The following SYN3 variants were observed in gnomAD, a reference collection of about 807,000 sequenced individuals.
The protein encoded by SYN3 is synapsin III.
SYN3 carries 35 observed loss-of-function variants against 65.8 expected under a neutral mutation model. That is an observed-to-expected ratio of 0.53 (90% CI 0.41 to 0.70). The LOEUF is 0.70. Among genes scored for constraint, SYN3 ranks in the 30% least tolerant of loss-of-function variants. The pLI, the probability that SYN3 is intolerant of heterozygous loss-of-function variation, is 0.00. For synonymous variants in SYN3, 270 were observed against 292.9 expected (o/e 0.92, Z 0.80); for missense variants, 680 against 749.0 (o/e 0.91, Z 1.08).
At chr22:32,645,195 T>C (rs1483512596) in intron 6 of SYN3, among the ~76,000 whole-genome samples, 1 of 152,030 alleles carries the variant, frequency 6.6e-6, no homozygotes, top group African/African-American at 2.4e-5. Context: ...AGCCAGACAA[T>C]AATTAAATGA....
At chr22:32,900,133 G>C (rs920033863) in intron 4 of SYN3, among the ~76,000 whole-genome samples, 1 of 152,054 alleles carries the variant, frequency 6.6e-6, no homozygotes, top group Admixed American at 6.6e-5. Flanking sequence ...GCCTTTATTA[G>C]CTAAAATATT....
rs558561710 is a variant in SYN3, at chr22:32,951,905, C to T, written c.370-20424G>A. Among the ~76,000 whole-genome samples the T allele has an allele frequency of 1.6e-4, 25 of 152,338 alleles. No homozygotes were observed. In the South Asian group the frequency reaches 5.2e-3, roughly 32 times the overall value. The stretch of plus-strand genomic sequence containing the variant: ...AGCCCATGGGCCCCCTCCCCTCCTC[C>T]ATTCGGCCTCTTCTGACTGCTCCAC... On this transcript the variant is annotated intron_variant, in intron 3 of 13. Transcript: ENST00000358763.
intron 6 of SYN3, among the ~76,000 whole-genome samples, chr22:32,639,243 A>G (rs914101758): frequency 6.6e-6 from 1 of 152,030 alleles, no homozygotes; most frequent in Non-Finnish European, 1.5e-5. Flanking sequence ...ATGAGCCACC[A>G]CGCCTGGCCC....
At chr22:32,902,894 G>T (rs930355317) in intron 4 of SYN3, among the ~76,000 whole-genome samples, 1 of 151,402 alleles carries the variant, frequency 6.6e-6, no homozygotes, top group African/African-American at 2.4e-5. Context: ...AAAAGTTGGT[G>T]GTCCTGGATG....
chr22:32,877,626 C>T (rs1050177731), intron 4 of SYN3, among the ~76,000 whole-genome samples: 1 of 152,154 alleles, frequency 6.6e-6, no homozygotes, highest in Admixed American at 6.5e-5. Context: ...TGGAAATGCA[C>T]CCTGCTAGAG....
At position 32,879,781 on chromosome 22, in the gene SYN3, C is replaced by T. The variant is rs115221558; in HGVS notation, c.462-10656G>A. 2.9e-3 allele frequency among the ~76,000 whole-genome samples: 441 copies of T among 152,326 alleles called. 3 individuals carry two copies. Among genetic ancestry groups the T allele is most frequent in the African/African-American group, 0.01 (425 of 41,562 alleles). Reference sequence around the variant, plus strand: ...GCACATAGTAGGTACTCAAGGGATCCACATGGAAATGGCTTCTCTTCTCAG... The same window carrying T: ...GCACATAGTAGGTACTCAAGGGATCTACATGGAAATGGCTTCTCTTCTCAG... On this transcript the variant is annotated intron_variant, in intron 4 of 13. Transcript: ENST00000358763.
At chr22:32,940,785 T>G (rs1021746644) in intron 3 of SYN3, among the ~76,000 whole-genome samples, 1 of 152,220 alleles carries the variant, frequency 6.6e-6, no homozygotes, top group African/African-American at 2.4e-5. Flanking sequence ...TGACATCAGA[T>G]AGTATAATAT....
intron 6 of SYN3, among the ~76,000 whole-genome samples, chr22:32,627,072 G>A (rs918887313): frequency 7.2e-5 from 11 of 152,104 alleles, no homozygotes; most frequent in African/African-American, 2.7e-4. Context: ...GGGGCGTCGA[G>A]GGGTAGCGAG....
intron 6 of SYN3, among the ~76,000 whole-genome samples, chr22:32,756,991 C>T (rs5998620): frequency 0.12 from 18,618 of 151,168 alleles, 1,173 homozygotes; most frequent in Admixed American, 0.17. Flanking sequence ...TAACAACTGT[C>T]GGAAATGTTT....
At chr22:32,586,692 C>G (rs566836913) in intron 7 of SYN3, among the ~76,000 whole-genome samples, 1 of 152,016 alleles carries the variant, frequency 6.6e-6, no homozygotes, top group South Asian at 2.1e-4. Context: ...TGAGCAGGTC[C>G]GTGAATGGCC....
chr22:32,887,675 T>C (rs2049331282), intron 4 of SYN3, among the ~76,000 whole-genome samples: 3 of 152,214 alleles, frequency 2.0e-5, no homozygotes, highest in African/African-American at 7.2e-5. Flanking sequence ...AATATACATC[T>C]CTTAGTAGTT....
chr22:32,806,168 G>T (rs375161044), intron 6 of SYN3, among the ~76,000 whole-genome samples: 1 of 151,966 alleles, frequency 6.6e-6, no homozygotes, highest in East Asian at 1.9e-4. Context: ...GGAGGTACCC[G>T]GTCTGCCAGT....
At chr22:32,898,454 A>G (rs150517339) in intron 4 of SYN3, among the ~76,000 whole-genome samples, 1 of 152,262 alleles carries the variant, frequency 6.6e-6, no homozygotes, top group East Asian at 1.9e-4. Flanking sequence ...TAATCACATC[A>G]CACTTGTAGC....
chr22:32,545,366 T>G (rs1417340335), intron 7 of SYN3, among the ~76,000 whole-genome samples: 1 of 152,232 alleles, frequency 6.6e-6, no homozygotes, highest in Non-Finnish European at 1.5e-5. Context: ...TAAATTTTTG[T>G]GGAATACATC....
intron 3 of SYN3, among the ~76,000 whole-genome samples, chr22:32,945,712 G>A (rs993572686): frequency 8.4e-4 from 128 of 152,278 alleles, no homozygotes; most frequent in African/African-American, 3.1e-3. Flanking sequence ...AAACTAAAGA[G>A]CTTCTGCACA....
rs2048433066 is a variant in SYN3, at chr22:32,858,268, G to T, written c.711+6647C>A. On this transcript the variant is annotated intron_variant, in intron 6 of 13. Coordinates refer to ENST00000358763, the MANE Select transcript of SYN3 (RefSeq NM_003490.4). ...ATGCATGTGTTAGGCCAGGGCAGAG[G>T]GGCAGGTCTGAGCAGATATAGTAAG... 3.0e-6 allele frequency: 4 copies of T among 1,332,646 alleles called. No homozygotes were observed. The South Asian group carries it at 5.6e-5, about 19-fold the overall frequency. The allele number at this position is 1,332,646 out of a possible 1,614,324, so 82.6% of individuals were successfully genotyped here.
chr22:32,696,036 C>A (rs545911011), intron 6 of SYN3, among the ~76,000 whole-genome samples: 1 of 152,272 alleles, frequency 6.6e-6, no homozygotes, highest in South Asian at 2.1e-4. Context: ...CTGAACACAC[C>A]TCCAAATTGC....
At chr22:33,009,870 T>C (rs2053308106) in intron 1 of SYN3, among the ~76,000 whole-genome samples, 1 of 151,528 alleles carries the variant, frequency 6.6e-6, no homozygotes, top group African/African-American at 2.4e-5. Flanking sequence ...AAACAGAAAC[T>C]TTTATTTTTA....
At chr22:32,586,282 A>G (rs2059041326) in intron 7 of SYN3, among the ~76,000 whole-genome samples, 1 of 152,142 alleles carries the variant, frequency 6.6e-6, no homozygotes, top group African/African-American at 2.4e-5. Context: ...CCTAGGAGAA[A>G]TACAGAGTTA....
Sources: gnomAD v4.1 joint callset for allele counts (sites outside exome capture counted in the v4.1 genomes callset) on GRCh38, gnomAD v4.1.1 for gene constraint, MANE v1.5 for transcripts, NCBI Gene and HGNC (gene_info 2026-07-23, HGNC 2026-07-21) for gene names.